The following SCML4 variants were observed in gnomAD, a reference collection of about 807,000 sequenced individuals.
SCML4 encodes the protein sex comb on midleg-like protein 4.
SCML4 carries 34 observed loss-of-function variants against 41.1 expected under a neutral mutation model. The observed-to-expected ratio is 0.83, with a 90% CI of 0.63 to 1.10. The LOEUF (loss-of-function observed/expected upper bound fraction) is 1.10. Ranked by LOEUF, SCML4 falls within the 50% of genes least tolerant of loss-of-function variation. SCML4 has a pLI of 0.00. For synonymous variants in SCML4, 214 were observed against 220.9 expected (o/e 0.97, Z 0.28); for missense variants, 522 against 534.1 (o/e 0.98, Z 0.22).
chr6:107,746,725 G>C lies in SCML4; in HGVS notation c.451C>G (p.Leu151Val). The C allele has an allele frequency of 1.2e-6, 2 of 1,614,158 alleles. No homozygotes were observed. The highest frequency in any genetic ancestry group is 1.1e-5 in the South Asian group (1 of 91,082). ...CAHQQKLVFS[L>V]VKQGYGGEMV... ...TCACCACCATAGCCCTGCTTGACCA[G>C]GGAGAAGACCAGCTTCTGCTGGTGG... is the stretch of plus-strand genomic sequence containing the variant. The change falls in exon 4 of 8, where the codon CTG (leucine) becomes GTG (valine). Residue 151 changes from leucine to valine, a missense_variant. Leu to Val is a conservative substitution (Grantham distance 32, BLOSUM62 1). Coordinates refer to ENST00000369020, the MANE Select transcript of SCML4 (RefSeq NM_198081.5).
At chr6:107,747,270 CTATAGACAGTTTTTGCCATTTCTTTGT>C (rs1179485286) in intron 3 of SCML4, among the ~76,000 whole-genome samples, 1 of 152,150 alleles carries the variant, frequency 6.6e-6, no homozygotes, top group East Asian at 1.9e-4. Context: ...AGCTGTCAAG[CTATAGACAGTTTTTGCCATTTCTTTGT>C]TAACCGTCTA....
Position 107,703,785 on chromosome 6 carries a change from G to C in SCML4, c.*1415C>G, listed in dbSNP as rs1393399306. Reference sequence around the variant, plus strand: ...GTCATCCCTAACCCTCTCCCTCCCAGAAATTCCAAAATCTAATGTTCATCT... The same window carrying C: ...GTCATCCCTAACCCTCTCCCTCCCACAAATTCCAAAATCTAATGTTCATCT... On this transcript the variant is annotated 3_prime_UTR_variant, in exon 8 of 8. Coordinates refer to ENST00000369020, the MANE Select transcript of SCML4 (RefSeq NM_198081.5). 6.6e-6 allele frequency among the ~76,000 whole-genome samples: 1 copy of C among 152,182 alleles called. No homozygotes were observed. The highest frequency in any genetic ancestry group is 1.5e-5 in the Non-Finnish European group (1 of 68,028).
chr6:107,720,318 C>T, intron 6 of SCML4: 1 of 907,144 alleles, frequency 1.1e-6, no homozygotes, highest in Non-Finnish European at 1.3e-6. Flanking sequence ...TTCCCTAATG[C>T]ATGGGGCATG....
chr6:107,763,448 A>G (rs1397576628), intron 2 of SCML4, among the ~76,000 whole-genome samples: 1 of 149,838 alleles, frequency 6.7e-6, no homozygotes, highest in Non-Finnish European at 1.5e-5. Flanking sequence ...GTGCAGTGGC[A>G]CCATCCCGGC....
At chr6:107,820,183 C>T (rs975608414) in intron 1 of SCML4, among the ~76,000 whole-genome samples, 3 of 152,204 alleles carry the variant, frequency 2.0e-5, no homozygotes, top group Non-Finnish European at 2.9e-5. Flanking sequence ...GCCCTGGCCA[C>T]GTCTCTTGGC....
At chr6:107,793,053 A>C (rs1464806568) in intron 1 of SCML4, among the ~76,000 whole-genome samples, 1 of 152,182 alleles carries the variant, frequency 6.6e-6, no homozygotes, top group Non-Finnish European at 1.5e-5. Context: ...CAGTCTAAAT[A>C]ACTGAAGGGA....
At chr6:107,822,508 CTTTT>C (rs10677944) in intron 1 of SCML4, among the ~76,000 whole-genome samples, 2 of 137,984 alleles carry the variant, frequency 1.4e-5, no homozygotes. Context: ...TTTTTCTTTT[CTTTT>C]TTTTTTTTTG....
intron 6 of SCML4, among the ~76,000 whole-genome samples, chr6:107,717,853 T>C (rs3851216): frequency 0.11 from 17,342 of 152,230 alleles, 1,098 homozygotes; most frequent in Admixed American, 0.18. Context: ...TGGCTGGTTC[T>C]AATACTTCTA....
chr6:107,813,977 G>A (rs1392820643), intron 1 of SCML4, among the ~76,000 whole-genome samples: 1 of 152,202 alleles, frequency 6.6e-6, no homozygotes, highest in Admixed American at 6.5e-5. Flanking sequence ...CAGCCTCAGG[G>A]CAGTGGTGCC....
intron 1 of SCML4, among the ~76,000 whole-genome samples, chr6:107,799,504 T>G (rs1372979269): frequency 6.6e-6 from 1 of 152,212 alleles, no homozygotes; most frequent in Non-Finnish European, 1.5e-5. Context: ...TTTTTGTTAT[T>G]CAGTCTGATA....
intron 7 of SCML4, among the ~76,000 whole-genome samples, chr6:107,706,289 C>A (rs1262636014): frequency 6.6e-6 from 1 of 152,196 alleles, no homozygotes; most frequent in Non-Finnish European, 1.5e-5. Flanking sequence ...TGGACTCCCA[C>A]TGTCTCCTCC....
At chr6:107,819,777 G>A (rs1468688121) in intron 1 of SCML4, among the ~76,000 whole-genome samples, 1 of 151,960 alleles carries the variant, frequency 6.6e-6, no homozygotes, top group African/African-American at 2.4e-5. Flanking sequence ...CTTATCACTG[G>A]ACTAAAACAC....
chr6:107,813,370 TTATATATATATATATATATATATATATA>T lies in SCML4; in HGVS notation c.-60+10728_-60+10755del, dbSNP rs543060112. On this transcript the variant is annotated intron_variant, in intron 1 of 7. Coordinates refer to ENST00000369020, the MANE Select transcript of SCML4 (RefSeq NM_198081.5). ...AGAGTGAGACGCCATCTCAAAAAAA[TTATATATATATATATATATATATATATA>T]TATATATATATATATATATATATAT... Among the ~76,000 whole-genome samples, 55 of 42,452 alleles carry T rather than the reference TTATATATATATATATATATATATATATA, an allele frequency of 1.3e-3. 1 individual carries two copies. The highest frequency in any genetic ancestry group is 4.9e-3 in the African/African-American group (36 of 7,336). The allele number at this position is 42,452 out of a possible 152,430, so 27.9% of individuals were successfully genotyped here. A position where few individuals can be genotyped will look rare whatever the true frequency, so the allele number is the denominator to read the frequency against.
intron 7 of SCML4, among the ~76,000 whole-genome samples, chr6:107,706,383 T>C (rs1773633058): frequency 6.6e-6 from 1 of 152,160 alleles, no homozygotes; most frequent in Non-Finnish European, 1.5e-5. Flanking sequence ...AAGTCCCCAT[T>C]GTTAGGTGAG....
chr6:107,784,731 G>A (rs556451135), intron 1 of SCML4, among the ~76,000 whole-genome samples: 1 of 152,350 alleles, frequency 6.6e-6, no homozygotes, highest in African/African-American at 2.4e-5. Flanking sequence ...ATCAGCCAGG[G>A]CCAGCTGCCC....
intron 7 of SCML4, among the ~76,000 whole-genome samples, chr6:107,705,758 C>T (rs1010916963): frequency 6.6e-6 from 1 of 152,198 alleles, no homozygotes; most frequent in Non-Finnish European, 1.5e-5. Context: ...GGCCCACCTA[C>T]CTTTAGCTGA....
chr6:107,751,560 A>G (rs928549522), intron 2 of SCML4, among the ~76,000 whole-genome samples: 1 of 149,626 alleles, frequency 6.7e-6, no homozygotes, highest in African/African-American at 2.4e-5. Flanking sequence ...GATTTAAACT[A>G]ACATTTTAAC....
chr6:107,734,001 C>A (rs1410330142), intron 5 of SCML4, among the ~76,000 whole-genome samples: 1 of 152,196 alleles, frequency 6.6e-6, no homozygotes, highest in Non-Finnish European at 1.5e-5. Flanking sequence ...ACATGAGGGA[C>A]TGTTCGCCTC....
chr6:107,749,779 A>G lies in SCML4; in HGVS notation c.191T>C (p.Leu64Pro). 1 of 1,614,052 alleles carries G rather than the reference A, an allele frequency of 6.2e-7. No homozygotes were observed. Among genetic ancestry groups the G allele is most frequent in the Non-Finnish European group, 8.5e-7 (1 of 1,179,970 alleles). ...KSRVLMTPLA[L>P]SPPRSTPEPD... Reference sequence around the variant, plus strand: ...CTCTGGGGTACTCCGCGGAGGTGAGAGGGCTAAGGGAGTCATGAGAACCCG... The same window carrying G: ...CTCTGGGGTACTCCGCGGAGGTGAGGGGGCTAAGGGAGTCATGAGAACCCG... Residue 64 changes from leucine (L) to proline (P), a missense_variant, in exon 3 of 8, where the codon CTC becomes CCC. By Grantham distance (98) the Leu-to-Pro change is moderately conservative (BLOSUM62 -3). Coordinates refer to ENST00000369020, the MANE Select transcript of SCML4 (RefSeq NM_198081.5).
Sources: gnomAD v4.1 joint callset for allele counts (sites outside exome capture counted in the v4.1 genomes callset) on GRCh38, gnomAD v4.1.1 for gene constraint, MANE v1.5 for transcripts, NCBI Gene and HGNC (gene_info 2026-07-23, HGNC 2026-07-21) for gene names.